The following XKR5 variants were observed in gnomAD, a reference collection of about 807,000 sequenced individuals.
XKR5 encodes the protein XK-related protein 5.
In XKR5, 46 loss-of-function variants were observed where a neutral mutation model predicts 40.8. The observed-to-expected ratio is 1.13, with a 90% CI of 0.89 to 1.44. The LOEUF (loss-of-function observed/expected upper bound fraction) is 1.44, where lower values mean the gene tolerates loss of function less well. XKR5 is among the 40% of genes most tolerant of loss of function. The pLI is 0.00. For synonymous variants in XKR5, 466 were observed against 356.1 expected (o/e 1.31, Z -3.48); for missense variants, 1,169 against 844.7 (o/e 1.38, Z -4.76).
At chr8:6,826,278 G>C (rs963851304) in intron 2 of XKR5, among the ~76,000 whole-genome samples, 2 of 152,148 alleles carry the variant, frequency 1.3e-5, no homozygotes, top group Admixed American at 1.3e-4. Context: ...GAAGGTATAT[G>C]TGTGTATATT....
chr8:6,819,683 G>A (rs905701029), intron 5 of XKR5, among the ~76,000 whole-genome samples: 1 of 152,192 alleles, frequency 6.6e-6, no homozygotes, highest in Non-Finnish European at 1.5e-5. Context: ...TCAGTTTCAT[G>A]GTTGCAGCCC....
At position 6,812,707 on chromosome 8, in the gene XKR5, A is replaced by G. The variant is rs144192327; in HGVS notation, c.920-368T>C. Among the ~76,000 whole-genome samples, 21 of 152,326 alleles carry G rather than the reference A, an allele frequency of 1.4e-4. No homozygotes were observed. The East Asian group carries it at 3.5e-3, about 25-fold the overall frequency. ...AATGTTTGGCAGAAATAAGCATTCT[A>G]CTTTCAAGTAACTGGACCATACACT... On this transcript the variant is annotated intron_variant, in intron 6 of 6. Transcript: ENST00000618742.
intron 6 of XKR5, among the ~76,000 whole-genome samples, chr8:6,812,557 A>G (rs9694168): frequency 6.6e-6 from 1 of 152,220 alleles, no homozygotes; most frequent in Non-Finnish European, 1.5e-5. Context: ...AACATGAATA[A>G]CAAGGCTTAA....
At chr8:6,816,142 A>T (rs1803949833) in intron 5 of XKR5, among the ~76,000 whole-genome samples, 1 of 152,104 alleles carries the variant, frequency 6.6e-6, no homozygotes, top group South Asian at 2.1e-4. Context: ...AAGTGTCTGC[A>T]GAATCATAAA....
intron 4 of XKR5, among the ~76,000 whole-genome samples, chr8:6,823,183 C>T (rs1804315682): frequency 6.6e-6 from 1 of 152,216 alleles, no homozygotes; most frequent in Non-Finnish European, 1.5e-5. Context: ...GTCCTCCATG[C>T]TCTTGAATCT....
chr8:6,831,991 G>T (rs911510651), intron 2 of XKR5, among the ~76,000 whole-genome samples: 1 of 140,044 alleles, frequency 7.1e-6, no homozygotes, highest in African/African-American at 2.7e-5. Flanking sequence ...CTCCAGCCTG[G>T]GTGACAGAGT....
At chr8:6,821,178 C>G (rs925284913) in intron 5 of XKR5, among the ~76,000 whole-genome samples, 3 of 152,194 alleles carry the variant, frequency 2.0e-5, no homozygotes, top group Non-Finnish European at 4.4e-5. Context: ...TTTTCTGACT[C>G]TAAAACCCAT....
At chr8:6,829,839 T>TTC (rs1554529077) in intron 2 of XKR5, among the ~76,000 whole-genome samples, 1 of 134,974 alleles carries the variant, frequency 7.4e-6, no homozygotes, top group African/African-American at 2.8e-5. Flanking sequence ...TTTTTTTTTT[T>TTC]TTTTTTTTTT....
chr8:6,829,608 C>T (rs541055871), intron 2 of XKR5, among the ~76,000 whole-genome samples: 1 of 152,282 alleles, frequency 6.6e-6, no homozygotes, highest in South Asian at 2.1e-4. Flanking sequence ...CTCTACTTCC[C>T]AGGTTCAAGC....
At chr8:6,831,026 A>T (rs1386922207) in intron 2 of XKR5, among the ~76,000 whole-genome samples, 1 of 152,172 alleles carries the variant, frequency 6.6e-6, no homozygotes, top group East Asian at 1.9e-4. Context: ...AGCTTCTCTA[A>T]GTGACCACCT....
chr8:6,829,869 G>C (rs1043553989), intron 2 of XKR5, among the ~76,000 whole-genome samples: 6 of 112,904 alleles, frequency 5.3e-5, no homozygotes, highest in African/African-American at 2.1e-4. Flanking sequence ...ACGGAGTCTC[G>C]CTCTGTCACC....
intron 5 of XKR5, among the ~76,000 whole-genome samples, chr8:6,816,771 T>C (rs1450064385): frequency 1.3e-5 from 2 of 148,716 alleles, no homozygotes; most frequent in African/African-American, 4.9e-5. Context: ...TTAAATACTG[T>C]GTATTTTATT....
At chr8:6,830,930 C>G (rs1039151735) in intron 2 of XKR5, among the ~76,000 whole-genome samples, 4 of 152,202 alleles carry the variant, frequency 2.6e-5, no homozygotes, top group African/African-American at 7.2e-5. Context: ...CAGCCCTCAT[C>G]TCTGAGGAAG....
At chr8:6,831,996 C>T (rs1290587695) in intron 2 of XKR5, among the ~76,000 whole-genome samples, 1 of 114,488 alleles carries the variant, frequency 8.7e-6, no homozygotes, top group Non-Finnish European at 1.6e-5. Context: ...GCCTGGGTGA[C>T]AGAGTGAGAC....
At position 6,813,095 on chromosome 8, in the gene XKR5, G is replaced by A. The variant is rs559756460; in HGVS notation, c.920-756C>T. ...AAAACCTGAAGTAATGCCTGAGAAG[G>A]CCAGGAGATTGCAGCATGACAGAGC... On this transcript the variant is annotated intron_variant, in intron 6 of 6. Transcript: ENST00000618742. Among the ~76,000 whole-genome samples, 20 of 152,312 alleles carry A rather than the reference G, an allele frequency of 1.3e-4. No individual in the cohort carries two copies. The South Asian group carries it at 3.3e-3, about 25-fold the overall frequency.
chr8:6,813,234 G>A (rs1307179932), intron 6 of XKR5, among the ~76,000 whole-genome samples: 1 of 152,186 alleles, frequency 6.6e-6, no homozygotes, highest in Non-Finnish European at 1.5e-5. Context: ...CTTGGAAAGG[G>A]AGGTGGACTT....
intron 2 of XKR5, among the ~76,000 whole-genome samples, chr8:6,831,387 T>TA (rs1430617513): frequency 1.5e-4 from 23 of 152,308 alleles, no homozygotes; most frequent in South Asian, 4.1e-4. Flanking sequence ...TCGGTGCTGT[T>TA]AGAGGTTTAG....
chr8:6,831,683 G>A (rs529226850), intron 2 of XKR5, among the ~76,000 whole-genome samples: 29 of 152,066 alleles, frequency 1.9e-4, no homozygotes, highest in Non-Finnish European at 2.6e-4. Context: ...TTGAGCTGCA[G>A]GGCTTCACCG....
rs532823284 is a variant in XKR5 at position 6,812,118 on chromosome 8, C to G, written c.1141G>C (p.Glu381Gln). The G allele has an allele frequency of 2.6e-5, 40 of 1,547,922 alleles. No individual in the cohort carries two copies. In the East Asian group the frequency reaches 8.1e-4, roughly 31 times the overall value. Reference protein sequence around the residue: ...PTILGKPPTPEQVPPEAGLGT... With the variant: ...PTILGKPPTPQQVPPEAGLGT... ...AGCCCAGCCTCTGGGGGGACCTGCT[C>G]AGGGGTAGGGGGCTTCCCTAAAATG... The change falls in exon 7 of 7, where the codon GAG becomes CAG. Residue 381 changes from glutamate to glutamine, a missense_variant. Coordinates refer to ENST00000618742, the MANE Select transcript of XKR5 (RefSeq NM_207411.5).
Sources: gnomAD v4.1 joint callset for allele counts (sites outside exome capture counted in the v4.1 genomes callset) on GRCh38, gnomAD v4.1.1 for gene constraint, MANE v1.5 for transcripts, NCBI Gene and HGNC (gene_info 2026-07-23, HGNC 2026-07-21) for gene names.